Variants in ATP13A3 observed in about 807,000 individuals in gnomAD.
ATP13A3 encodes the protein ATPase 13A3, also known as polyamine-transporting ATPase 13A3.
A neutral mutation model predicts 158.1 loss-of-function variants in ATP13A3; 59 were observed. The ratio of observed to expected loss-of-function variants is 0.37; its 90% CI spans 0.30 to 0.46. ATP13A3 has a LOEUF of 0.46. ATP13A3 is among the 20% of genes least tolerant of loss of function. The probability of loss-of-function intolerance (pLI) is 1.00; values close to 1 mark genes in which losing one functional copy is unlikely to be tolerated. For synonymous variants in ATP13A3, 491 were observed against 504.3 expected (o/e 0.97, Z 0.35); for missense variants, 1,166 against 1,525.2 (o/e 0.76, Z 3.92).
At chr3:194,411,062 T>C (rs1715390329) in intron 33 of ATP13A3, among the ~76,000 whole-genome samples, 1 of 118,490 alleles carries the variant, frequency 8.4e-6, no homozygotes. Flanking sequence ...TACACTGCTT[T>C]CAGGAAAAAA....
chr3:194,450,284 T>C lies in ATP13A3; in HGVS notation c.839-8A>G. 6.2e-7 allele frequency: 1 copy of C among 1,608,496 alleles called. No individual in the cohort carries two copies. The highest frequency in any genetic ancestry group is 8.5e-7 in the Non-Finnish European group (1 of 1,176,114). On this transcript the variant is annotated splice_polypyrimidine_tract_variant and splice_region_variant and intron_variant, in intron 10 of 33. Coordinates refer to ENST00000645319, the MANE Select transcript of ATP13A3 (RefSeq NM_001367549.1). ...AAAAGATTTCTTCTATTTCTGAAAT[T>C]AAAGAAAGAAAGAAAAATCTGAAAA...
intron 33 of ATP13A3, among the ~76,000 whole-genome samples, chr3:194,407,320 C>T (rs1369992363): frequency 1.3e-5 from 2 of 152,170 alleles, no homozygotes; most frequent in African/African-American, 2.4e-5. Flanking sequence ...TAGAGTAGAA[C>T]ATAACTGAGC....
chr3:194,410,937 G>GGTGT (rs34952393), intron 33 of ATP13A3, among the ~76,000 whole-genome samples: 1,425 of 127,200 alleles, frequency 0.011, 4 homozygotes, highest in African/African-American at 0.019. Context: ...GGGGTGTTGG[G>GGTGT]GTGTGTGTGT....
intron 10 of ATP13A3, 133 bp from the exon 11 acceptor site, chr3:194,450,409 A>C: frequency 1.2e-6 from 1 of 850,214 alleles, no homozygotes; most frequent in Non-Finnish European, 1.8e-6. Flanking sequence ...AATCCAACAA[A>C]TGGCAAGTTT....
chr3:194,427,200 AC>A lies in ATP13A3; in HGVS notation c.2999del (p.Gly1000ValfsTer58). 6.2e-7 allele frequency: 1 copy of A among 1,612,098 alleles called. No homozygotes were observed. The highest frequency in any genetic ancestry group is 8.5e-7 in the Non-Finnish European group (1 of 1,179,610). On this transcript the variant is annotated frameshift_variant, in exon 29 of 34. Coordinates refer to ENST00000645319, the MANE Select transcript of ATP13A3 (RefSeq NM_001367549.1). LOFTEE classifies it high-confidence loss of function. ...KELVAQRPPSGLISGALLFSV... is the reference protein window; with the variant it reads ...KELVAQRPPSXLISGALLFSV... ...AGAAGAGAAGGGCCCCAGATATAAGACCCGAAGGTGGTCTTTGTGCCACAAG... is the reference window on the plus strand; with the variant it reads ...AGAAGAGAAGGGCCCCAGATATAAGACCGAAGGTGGTCTTTGTGCCACAAG...
Position 194,460,851 on chromosome 3 carries a change from A to C in ATP13A3, c.52-20T>G. On this transcript the variant is annotated intron_variant, in intron 3 of 33. Transcript: ENST00000645319. ...AATCTCCTGCATGGACACAGCGATC[A>C]CATGATTAATTATCAAATGATAAAA... 1.9e-6 allele frequency: 3 copies of C among 1,595,230 alleles called. No individual in the cohort carries two copies. Among genetic ancestry groups the C allele is most frequent in the Non-Finnish European group, 2.6e-6 (3 of 1,170,290 alleles).
chr3:194,460,906 T>C, intron 3 of ATP13A3, 75 bp from the exon 4 acceptor site: 1 of 1,450,118 alleles, frequency 6.9e-7, no homozygotes, highest in Non-Finnish European at 9.3e-7. Context: ...ATTCCAAAGT[T>C]CTTTGTTTTC....
At chr3:194,406,993 G>A (rs966682098) in intron 33 of ATP13A3, among the ~76,000 whole-genome samples, 2 of 152,166 alleles carry the variant, frequency 1.3e-5, no homozygotes, top group East Asian at 1.9e-4. Flanking sequence ...CAATCCTGAT[G>A]TTTTTAGTGA....
At chr3:194,418,333 G>GT (rs199618833) in intron 31 of ATP13A3, among the ~76,000 whole-genome samples, 3,476 of 151,926 alleles carry the variant, frequency 0.023, 121 homozygotes, top group African/African-American at 0.079. Flanking sequence ...CTATAAGTTT[G>GT]TTTTTTAAAA....
rs149396852 is a variant in ATP13A3, at chr3:194,433,973, C to T, written c.2121-77G>A. ...ACTTATGTACACAAACTTGAAATAT[C>T]TAAACAATTAAAAATGTCTATAAGT... is the stretch of plus-strand genomic sequence containing the variant. On this transcript the variant is annotated intron_variant, in intron 20 of 33. Coordinates refer to ENST00000645319, the MANE Select transcript of ATP13A3 (RefSeq NM_001367549.1). 2,739 of 1,380,298 alleles carry T rather than the reference C, an allele frequency of 2.0e-3. 6 individuals carry two copies. The highest frequency in any genetic ancestry group is 2.0e-3 in the Non-Finnish European group (2,014 of 1,012,646). The allele number at this position is 1,380,298 out of a possible 1,614,324, so 85.5% of individuals were successfully genotyped here.
At chr3:194,472,848 T>C (rs1393368936) in intron 2 of ATP13A3, among the ~76,000 whole-genome samples, 1 of 152,224 alleles carries the variant, frequency 6.6e-6, no homozygotes, top group East Asian at 1.9e-4. Context: ...TCTTTTGCAG[T>C]AACACGGATG....
In ATP13A3 at chr3:194,406,093, T is replaced by C. The variant is rs1400953766; in HGVS notation, c.3597A>G (p.Lys1199=). ...AGCCCAGGGCCCAGGGTAAGCAGCA[T>C]TTTCCCCACCGATCCACTGACTCCT... ...PPQESVDRWG[K]CCLPWALGCR... is the part of the protein sequence containing the mutation. Residue 1199 remains lysine, a synonymous_variant, in exon 34 of 34, where the codon AAA becomes AAG. Transcript: ENST00000645319. 9.3e-6 allele frequency: 15 copies of C among 1,613,898 alleles called. No individual in the cohort carries two copies. Among genetic ancestry groups the C allele is most frequent in the Non-Finnish European group, 1.3e-5 (15 of 1,180,012 alleles).
intron 29 of ATP13A3, among the ~76,000 whole-genome samples, chr3:194,425,854 A>G (rs1716730340): frequency 6.6e-6 from 1 of 152,170 alleles, no homozygotes; most frequent in Non-Finnish European, 1.5e-5. Flanking sequence ...AAGCACTATC[A>G]CTTTTCAGTG....
chr3:194,440,670 A>C (rs1717987723), intron 16 of ATP13A3, among the ~76,000 whole-genome samples: 1 of 152,222 alleles, frequency 6.6e-6, no homozygotes, highest in African/African-American at 2.4e-5. Flanking sequence ...AACCAAGAGC[A>C]TGAAGGAGAG....
intron 31 of ATP13A3, among the ~76,000 whole-genome samples, chr3:194,414,632 G>A (rs1715684335): frequency 6.6e-6 from 1 of 152,102 alleles, no homozygotes; most frequent in Non-Finnish European, 1.5e-5. Flanking sequence ...AGACAGAAAG[G>A]TTTATAATAA....
chr3:194,462,799 T>C (rs1719752967), intron 2 of ATP13A3, among the ~76,000 whole-genome samples: 1 of 152,234 alleles, frequency 6.6e-6, no homozygotes, highest in African/African-American at 2.4e-5. Flanking sequence ...ACATTTTCAA[T>C]GGGATACCAG....
At chr3:194,417,134 A>G (rs1381603712) in intron 31 of ATP13A3, among the ~76,000 whole-genome samples, 1 of 152,156 alleles carries the variant, frequency 6.6e-6, no homozygotes, top group East Asian at 1.9e-4. Flanking sequence ...GGTATTTGAC[A>G]AACTAAACTT....
intron 5 of ATP13A3, 85 bp from the exon 6 acceptor site, chr3:194,459,626 T>C (rs570026752): frequency 9.3e-6 from 11 of 1,181,670 alleles, no homozygotes; most frequent in Non-Finnish European, 1.3e-5. Context: ...CAGCTATATA[T>C]AGGATTATAT....
At position 194,447,092 on chromosome 3, in the gene ATP13A3, G is replaced by C; in HGVS notation, c.1332C>G (p.Ile444Met). ...LNEVQVGVII[I>M]ESLDIITITV... ...TAATTGTGATAATATCAAGAGACTC[G>C]ATAATTATGACCCCAACTTGTACCT... The change falls in exon 14 of 34, where the codon ATC becomes ATG. Residue 444 changes from isoleucine to methionine, a missense_variant. Physicochemically the swap from Ile to Met is conservative, Grantham distance 10 (BLOSUM62 1). Coordinates refer to ENST00000645319, the MANE Select transcript of ATP13A3 (RefSeq NM_001367549.1). The C allele has an allele frequency of 6.2e-7, 1 of 1,608,354 alleles. No homozygotes were observed. Among genetic ancestry groups the C allele is most frequent in the Non-Finnish European group, 8.5e-7 (1 of 1,178,720 alleles).
Sources: gnomAD v4.1 joint callset for allele counts (sites outside exome capture counted in the v4.1 genomes callset) on GRCh38, gnomAD v4.1.1 for gene constraint, MANE v1.5 for transcripts, NCBI Gene and HGNC (gene_info 2026-07-23, HGNC 2026-07-21) for gene names.